TUSC3: variants seen among roughly 807,000 people sequenced by gnomAD.
TUSC3 encodes the protein dolichyl-diphosphooligosaccharide--protein glycosyltransferase subunit TUSC3.
TUSC3 carries 45 observed loss-of-function variants against 44.8 expected under a neutral mutation model. That is an observed-to-expected ratio of 1.00 (90% CI 0.79 to 1.29). TUSC3 has a LOEUF of 1.29. Ranked by LOEUF, TUSC3 falls within the 50% of genes most tolerant of loss-of-function variation. TUSC3 has a pLI of 0.00. For missense variants in TUSC3, 519 were observed against 437.9 expected, an observed-to-expected ratio of 1.19 and a Z score of -1.65; for synonymous variants, 212 against 152.9, an observed-to-expected ratio of 1.39 and a Z score of -2.85.
intron 1 of TUSC3, among the ~76,000 whole-genome samples, chr8:15,478,716 A>G (rs184230091): frequency 4.6e-5 from 7 of 152,230 alleles, no homozygotes; most frequent in Admixed American, 1.3e-4. Flanking sequence ...TGTCTTTGCT[A>G]TTGTGAATAG....
intron 6 of TUSC3, among the ~76,000 whole-genome samples, chr8:15,694,075 A>G (rs1270832531): frequency 6.6e-6 from 1 of 152,084 alleles, no homozygotes; most frequent in Non-Finnish European, 1.5e-5. Flanking sequence ...CTGGGTTTCA[A>G]CTTTCTCTTG....
intron 1 of TUSC3, among the ~76,000 whole-genome samples, chr8:15,560,590 G>A (rs1217730025): frequency 7.2e-6 from 1 of 139,550 alleles, no homozygotes; most frequent in African/African-American, 2.5e-5. Flanking sequence ...ATAATATCCT[G>A]CAGAGTGTTT....
intron 6 of TUSC3, among the ~76,000 whole-genome samples, chr8:15,702,798 A>T (rs1809457788): frequency 1.3e-5 from 2 of 152,170 alleles, no homozygotes; most frequent in African/African-American, 4.8e-5. Flanking sequence ...CATCAACAAC[A>T]AAAAATACAA....
chr8:15,691,049 TGGTAG>T, intron 6 of TUSC3, among the ~76,000 whole-genome samples: 1 of 135,914 alleles, frequency 7.4e-6, no homozygotes, highest in Non-Finnish European at 1.7e-5. Flanking sequence ...AGAATGTCCT[TGGTAG>T]TTTGATAGAA....
chr8:15,456,653 A>C (rs1362539585), intron 1 of TUSC3, among the ~76,000 whole-genome samples: 2 of 152,164 alleles, frequency 1.3e-5, no homozygotes, highest in Non-Finnish European at 2.9e-5. Context: ...ACTTTTTATT[A>C]AATGAAAATT....
rs777524549 is a variant in TUSC3 at position 15,659,480 on chromosome 8, T to G, written c.427-27T>G. 2.4e-5 allele frequency: 39 copies of G among 1,607,668 alleles called. No individual in the cohort carries two copies. In the South Asian group the frequency reaches 4.2e-4, roughly 17 times the overall value. On this transcript the variant is annotated intron_variant, in intron 3 of 10. Transcript: ENST00000503731. ...GATTAATGATAAGATGATCCTATAT[T>G]TAGTATTTTTTTCTCATGTTTTACA...
the TUSC3 span, among the ~76,000 whole-genome samples, chr8:15,808,508 C>A: frequency 3.3e-5 from 5 of 152,258 alleles, no homozygotes; most frequent in African/African-American, 1.2e-4. Flanking sequence ...TTGGCCAATT[C>A]TGCTTCCAGC....
At chr8:15,603,156 C>T (rs1334841348) in intron 1 of TUSC3, among the ~76,000 whole-genome samples, 2 of 151,476 alleles carry the variant, frequency 1.3e-5, no homozygotes, top group African/African-American at 4.8e-5. Context: ...AGTTAATTAC[C>T]ACTAAAGAAC....
chr8:15,664,510 C>T (rs972470872), intron 5 of TUSC3, among the ~76,000 whole-genome samples: 21 of 148,326 alleles, frequency 1.4e-4, no homozygotes, highest in Non-Finnish European at 1.2e-4. Flanking sequence ...TCTTGGAAAG[C>T]GAATTAACTT....
intron 2 of TUSC3, among the ~76,000 whole-genome samples, chr8:15,496,249 A>G (rs1369978068): frequency 6.6e-6 from 1 of 152,080 alleles, no homozygotes; most frequent in Admixed American, 6.5e-5. Flanking sequence ...CAGCATATTC[A>G]TTTCTCTGTG....
At chr8:15,461,183 G>C (rs1420345434) in intron 1 of TUSC3, among the ~76,000 whole-genome samples, 1 of 152,018 alleles carries the variant, frequency 6.6e-6, no homozygotes. Context: ...TTCCCTTTGT[G>C]TTGTCTGTGA....
chr8:15,570,313 A>T (rs1401819313), intron 1 of TUSC3, among the ~76,000 whole-genome samples: 1 of 143,514 alleles, frequency 7.0e-6, no homozygotes, highest in Admixed American at 7.1e-5. Flanking sequence ...CTCTTACTGA[A>T]ACACATCTAA....
chr8:15,638,450 G>A (rs536814381), intron 2 of TUSC3, among the ~76,000 whole-genome samples: 3 of 151,394 alleles, frequency 2.0e-5, no homozygotes, highest in Admixed American at 6.6e-5. Context: ...ATCTTTGTAG[G>A]AGAAATTGGA....
At chr8:15,837,141 A>G in the TUSC3 span, among the ~76,000 whole-genome samples, 1 of 152,198 alleles carries the variant, frequency 6.6e-6, no homozygotes, top group East Asian at 1.9e-4. Flanking sequence ...TGTAGTGGAT[A>G]AATCTGAGGC....
intron 1 of TUSC3, among the ~76,000 whole-genome samples, chr8:15,555,908 TA>T (rs1802244093): frequency 6.6e-6 from 1 of 151,638 alleles, no homozygotes; most frequent in Admixed American, 6.6e-5. Context: ...AGTTCTCTGA[TA>T]AAAATATATC....
the TUSC3 span, chr8:15,807,129 C>T: frequency 9.7e-7 from 1 of 1,031,828 alleles, no homozygotes; most frequent in South Asian, 1.3e-5. Context: ...GAATGACCAC[C>T]TTTCAAGTCC....
intron 1 of TUSC3, among the ~76,000 whole-genome samples, chr8:15,419,485 A>G (rs75560910): frequency 0.038 from 5,774 of 152,266 alleles, 384 homozygotes; most frequent in African/African-American, 0.13. Context: ...AAATTTAGCA[A>G]ACATTTGTGG....
rs150451707 is a variant in TUSC3 at position 15,500,893 on chromosome 8, C to T, written n.189+17410C>T. Reference sequence around the variant, plus strand: ...GGTCACTAGCCTTGGCCTTTTTAACCTTTTTCAAGAGCAACCAAACATAAT... The same window carrying T: ...GGTCACTAGCCTTGGCCTTTTTAACTTTTTTCAAGAGCAACCAAACATAAT... On this transcript the variant is annotated intron_variant and non_coding_transcript_variant, in intron 2 of 5. Transcript: ENST00000503191. Among the ~76,000 whole-genome samples, 15 of 152,222 alleles carry T rather than the reference C, an allele frequency of 9.9e-5. No homozygotes were observed. In the South Asian group the frequency reaches 2.9e-3, roughly 29 times the overall value.
intron 1 of TUSC3, among the ~76,000 whole-genome samples, chr8:15,462,434 A>G (rs552274775): frequency 6.6e-6 from 1 of 152,220 alleles, no homozygotes; most frequent in East Asian, 1.9e-4. Context: ...TGACACTCAT[A>G]GACTAAAGGA....
Sources: allele counts gnomAD v4.1 joint callset (sites outside exome capture counted in the v4.1 genomes callset), GRCh38; gene constraint gnomAD v4.1.1; transcripts MANE v1.5; gene names NCBI Gene and HGNC (gene_info 2026-07-23, HGNC 2026-07-21).